PPP5C: variants seen among roughly 807,000 people sequenced by gnomAD.
PPP5C encodes the protein protein phosphatase 5 catalytic subunit, also known as serine/threonine-protein phosphatase 5.
Under a neutral mutation model 66.7 loss-of-function variants are expected in PPP5C, and 21 were observed. The ratio of observed to expected loss-of-function variants is 0.31; its 90% CI spans 0.22 to 0.45. PPP5C has a LOEUF of 0.45. Ranked by LOEUF, PPP5C falls within the 20% of genes least tolerant of loss-of-function variation. The probability of loss-of-function intolerance (pLI) is 1.00; values close to 1 mark genes in which losing one functional copy is unlikely to be tolerated. For missense variants in PPP5C, 464 were observed against 675.9 expected, an observed-to-expected ratio of 0.69 and a Z score of 3.48; for synonymous variants, 246 against 257.4, an observed-to-expected ratio of 0.96 and a Z score of 0.43.
At position 46,353,599 on chromosome 19, in the gene PPP5C, C is replaced by G. The variant is rs968554518; in HGVS notation, c.122-149C>G. ...CCTGAGCTAGGTTGGTTGGGACAGG[C>G]AGGAGGGGCAGGCTGAAGAGATGTC... On this transcript the variant is annotated intron_variant, in intron 1 of 12. Transcript: ENST00000012443. The G allele has an allele frequency of 5.8e-6, 7 of 1,208,976 alleles. No homozygotes were observed. In the African/African-American group the frequency reaches 1.1e-4, roughly 18 times the overall value. 74.9% of individuals were successfully genotyped at this position (1,208,976 alleles called of 1,614,324 possible).
At chr19:46,360,001 A>G (rs1972355641) in intron 2 of PPP5C, among the ~76,000 whole-genome samples, 1 of 150,700 alleles carries the variant, frequency 6.6e-6, no homozygotes, top group South Asian at 2.1e-4. Context: ...CTGGTCTTGA[A>G]CTCCTGACCT....
chr19:46,386,540 G>A (rs534562561), intron 7 of PPP5C, among the ~76,000 whole-genome samples: 6 of 152,164 alleles, frequency 3.9e-5, no homozygotes, highest in African/African-American at 9.6e-5. Context: ...GAAGGAGGCC[G>A]GGTGCTTGTG....
chr19:46,390,043 C>G lies in PPP5C; in HGVS notation c.1356-8C>G, dbSNP rs374074997. 7.4e-6 allele frequency: 12 copies of G among 1,614,056 alleles called. No individual in the cohort carries two copies. The African/African-American group carries it at 1.2e-4, about 16-fold the overall frequency. On this transcript the variant is annotated splice_polypyrimidine_tract_variant and splice_region_variant and intron_variant, in intron 11 of 12. Coordinates refer to ENST00000012443, the MANE Select transcript of PPP5C (RefSeq NM_006247.4). ...ACCACACTGTCCACTCTGCTCCTGT[C>G]CCTGCAGCGACCAGATGGGGAACAA... is the stretch of plus-strand genomic sequence containing the variant.
intron 7 of PPP5C, among the ~76,000 whole-genome samples, chr19:46,386,023 CAA>C (rs1477333325): frequency 6.6e-6 from 1 of 151,316 alleles, no homozygotes; most frequent in Non-Finnish European, 1.5e-5. Flanking sequence ...AGGTGTGAGA[CAA>C]AGAGGGAACG....
Position 46,376,760 on chromosome 19 carries a change from TG to T in PPP5C, c.633+190del. 5.0e-6 allele frequency: 4 copies of T among 803,836 alleles called. No homozygotes were observed. The highest frequency in any genetic ancestry group is 7.4e-6 in the Non-Finnish European group (4 of 538,158). The allele number at this position is 803,836 out of a possible 1,614,324, so 49.8% of individuals were successfully genotyped here. Reference sequence around the variant, plus strand: ...GATCTCATCTCGTCCCACAGCAGTTTGGGGAGGTGGCAGGCAGTGCCATTTG... The same window carrying T: ...GATCTCATCTCGTCCCACAGCAGTTTGGGAGGTGGCAGGCAGTGCCATTTG... On this transcript the variant is annotated intron_variant, in intron 4 of 12. Coordinates refer to ENST00000012443, the MANE Select transcript of PPP5C (RefSeq NM_006247.4). This position sits in a 1 kb window ranked among gnomAD's most constrained non-coding sequence, Gnocchi z 5.1.
At chr19:46,384,382 G>A (rs1157952970) in intron 6 of PPP5C, 1 of 255,488 alleles carries the variant, frequency 3.9e-6, no homozygotes, top group Non-Finnish European at 7.7e-6. Flanking sequence ...ATTTCCCCGT[G>A]TTATGGTATC....
At chr19:46,355,249 G>C (rs1972264387) in intron 2 of PPP5C, among the ~76,000 whole-genome samples, 1 of 151,658 alleles carries the variant, frequency 6.6e-6, no homozygotes, top group African/African-American at 2.4e-5. Flanking sequence ...GGCTTGGTCA[G>C]TGTGTGTCGA....
intron 2 of PPP5C, among the ~76,000 whole-genome samples, chr19:46,360,305 T>C (rs1972361285): frequency 6.6e-6 from 1 of 152,114 alleles, no homozygotes; most frequent in South Asian, 2.1e-4. Context: ...ATGAGACCCA[T>C]ACAAATATAA....
chr19:46,383,218 G>C lies in PPP5C; in HGVS notation c.634-193G>C. Reference sequence around the variant, plus strand: ...AATCGCAATGCTTCGGCACTGCACAGGCCACAGAAGCCTGCGGCTGCCTCC... The same window carrying C: ...AATCGCAATGCTTCGGCACTGCACACGCCACAGAAGCCTGCGGCTGCCTCC... On this transcript the variant is annotated intron_variant, in intron 4 of 12. Coordinates refer to ENST00000012443, the MANE Select transcript of PPP5C (RefSeq NM_006247.4). The surrounding 1 kb of genome is among the most constrained non-coding windows in gnomAD (Gnocchi z 5.0). The C allele has an allele frequency of 6.5e-7, 1 of 1,535,770 alleles. No homozygotes were observed. The highest frequency in any genetic ancestry group is 8.7e-7 in the Non-Finnish European group (1 of 1,144,280).
Position 46,347,140 on chromosome 19 carries a change from C to T in PPP5C, c.44C>T (p.Pro15Leu). 6.2e-7 allele frequency: 1 copy of T among 1,605,260 alleles called. No homozygotes were observed. Among genetic ancestry groups the T allele is most frequent in the African/African-American group, 1.3e-5 (1 of 74,914 alleles). The change falls in exon 1 of 13, where the codon CCC becomes CTC. Residue 15 changes from proline (P) to leucine (L), a missense_variant. Pro to Leu is a moderately conservative substitution (Grantham distance 98, BLOSUM62 -3). Coordinates refer to ENST00000012443, the MANE Select transcript of PPP5C (RefSeq NM_006247.4). The part of the protein sequence containing the change: ...EGERTECAEP[P>L]RDEPPADGAL... ...GAGAGGACTGAGTGTGCTGAGCCCC[C>T]CCGGGACGAACCCCCGGCTGATGGA...
At chr19:46,369,925 G>C (rs1156421184) in intron 2 of PPP5C, among the ~76,000 whole-genome samples, 1 of 136,082 alleles carries the variant, frequency 7.3e-6, no homozygotes, top group African/African-American at 2.7e-5. Flanking sequence ...GACTCCGTCT[G>C]GAAAAAAAAA....
At chr19:46,387,820 G>A (rs1465457568) in intron 9 of PPP5C, 2 of 999,768 alleles carry the variant, frequency 2.0e-6, no homozygotes, top group African/African-American at 3.3e-5. Context: ...CACACTGTGA[G>A]TGCTGCAGAG....
chr19:46,383,296 C>T lies in PPP5C; in HGVS notation c.634-115C>T. The T allele has an allele frequency of 1.3e-6, 2 of 1,551,626 alleles. No individual in the cohort carries two copies. The highest frequency in any genetic ancestry group is 1.7e-6 in the Non-Finnish European group (2 of 1,147,470). ...CCTGCCCTGCCCTTTTTCTTCTCTC[C>T]CTGCTTCTCCCTCGCCCTCAGCCCA... On this transcript the variant is annotated intron_variant, in intron 4 of 12. Coordinates refer to ENST00000012443, the MANE Select transcript of PPP5C (RefSeq NM_006247.4). The surrounding 1 kb of genome is among the most constrained non-coding windows in gnomAD (Gnocchi z 5.0).
intron 8 of PPP5C, 41 bp from the exon 9 acceptor site, chr19:46,387,325 G>T (rs113914960): frequency 1.2e-6 from 2 of 1,608,660 alleles, no homozygotes; most frequent in African/African-American, 2.7e-5. Context: ...CCTGTGGGTG[G>T]GTGGCACCTT....
At position 46,390,038 on chromosome 19, in the gene PPP5C, C is replaced by T. The variant is rs760639510; in HGVS notation, c.1356-13C>T. ...CCCTGACCACACTGTCCACTCTGCT[C>T]CTGTCCCTGCAGCGACCAGATGGGG... On this transcript the variant is annotated splice_polypyrimidine_tract_variant and intron_variant, in intron 11 of 12. Transcript: ENST00000012443. 6 of 1,613,868 alleles carry T rather than the reference C, an allele frequency of 3.7e-6. 2 individuals carry two copies. The Admixed American group carries it at 5.0e-5, about 13-fold the overall frequency.
In PPP5C at chr19:46,390,553, G is replaced by A. The variant is rs8811; in HGVS notation, c.*207G>A. On this transcript the variant is annotated 3_prime_UTR_variant, in exon 13 of 13. Transcript: ENST00000012443. ...AGAGGGTCTGCTCCCTGGACAGAGA[G>A]GAAGGAGGTGGAGCAGCTGGGGCTG... 212,561 of 1,409,366 alleles carry A rather than the reference G, an allele frequency of 0.15. 18,597 individuals are homozygous for A. Among genetic ancestry groups the A allele is most frequent in the East Asian group, 0.37 (14,091 of 38,046 alleles). The allele number at this position is 1,409,366 out of a possible 1,614,324, so 87.3% of individuals were successfully genotyped here. A position where few individuals can be genotyped will look rare whatever the true frequency, so the allele number is the denominator to read the frequency against.
At position 46,388,639 on chromosome 19, in the gene PPP5C, C is replaced by A. The variant is rs778518975; in HGVS notation, c.1263C>A (p.Asp421Glu). 2 of 1,614,076 alleles carry A rather than the reference C, an allele frequency of 1.2e-6. No homozygotes were observed. Among genetic ancestry groups the A allele is most frequent in the East Asian group, 4.5e-5 (2 of 44,890 alleles). The change falls in exon 11 of 13, where the codon GAC (aspartate) becomes GAA (glutamate). Residue 421 changes from aspartate (D) to glutamate (E), a missense_variant. By Grantham distance (45) the Asp-to-Glu change is conservative. Around this residue, in one of 2 missense-constraint regions of PPP5C, gnomAD observed 387 missense variants for 626.0 expected, o/e 0.62. Coordinates refer to ENST00000012443, the MANE Select transcript of PPP5C (RefSeq NM_006247.4). This position sits in a 1 kb window ranked among gnomAD's most constrained non-coding sequence, Gnocchi z 4.9. ...TKAFLEENNL[D>E]YIIRSHEVKA... ...CCTTCTTGGAAGAGAACAACCTGGA[C>A]TATATCATCCGCAGCCACGAAGTCA...
chr19:46,366,042 A>G (rs1281577626), intron 2 of PPP5C, among the ~76,000 whole-genome samples: 1 of 152,202 alleles, frequency 6.6e-6, no homozygotes, highest in African/African-American at 2.4e-5. Context: ...TCTAGACCTC[A>G]TCTGACAAGA....
chr19:46,390,711 A>C lies in PPP5C; in HGVS notation c.*365A>C. 8.5e-7 allele frequency: 1 copy of C among 1,171,272 alleles called. No homozygotes were observed. Among genetic ancestry groups the C allele is most frequent in the African/African-American group, 1.6e-5 (1 of 63,404 alleles). The allele number at this position is 1,171,272 out of a possible 1,614,324, so 72.6% of individuals were successfully genotyped here. A position where few individuals can be genotyped will look rare whatever the true frequency, so the allele number is the denominator to read the frequency against. On this transcript the variant is annotated 3_prime_UTR_variant, in exon 13 of 13. Transcript: ENST00000012443. Reference sequence around the variant, plus strand: ...AGGGCCCCGCCATAGGAAGACCCCCAGAGAGAGGGTCAGCAGGGGGGCCCC... The same window carrying C: ...AGGGCCCCGCCATAGGAAGACCCCCCGAGAGAGGGTCAGCAGGGGGGCCCC...
Sources: allele counts gnomAD v4.1 joint callset (sites outside exome capture counted in the v4.1 genomes callset), GRCh38; gene constraint gnomAD v4.1.1; regional missense constraint gnomAD v4.1.1; non-coding constraint Gnocchi (gnomAD v3.1); transcripts MANE v1.5; gene names NCBI Gene and HGNC (gene_info 2026-07-23, HGNC 2026-07-21).